The following ATP10B variants were observed in gnomAD, a reference collection of about 807,000 sequenced individuals.
The protein encoded by ATP10B is ATPase phospholipid transporting 10B (putative), also known as phospholipid-transporting ATPase VB.
In ATP10B, 122 loss-of-function variants were observed where a neutral mutation model predicts 141.2. That is an observed-to-expected ratio of 0.86 (90% confidence interval 0.75 to 1.00). The LOEUF (loss-of-function observed/expected upper bound fraction) is 1.00, where lower values mean the gene tolerates loss of function less well. Ranked by LOEUF, ATP10B falls within the 50% of genes least tolerant of loss-of-function variation. The pLI, the probability that ATP10B is intolerant of heterozygous loss-of-function variation, is 0.00. For missense variants in ATP10B, 1,876 were observed against 1,825.3 expected, an observed-to-expected ratio of 1.03 and a Z score of -0.51; for synonymous variants, 685 against 692.0, an observed-to-expected ratio of 0.99 and a Z score of 0.16.
At chr5:160,813,394 G>A (rs1476730368) in intron 1 of ATP10B, among the ~76,000 whole-genome samples, 1 of 152,214 alleles carries the variant, frequency 6.6e-6, no homozygotes, top group African/African-American at 2.4e-5. Context: ...TGCTAGCACA[G>A]CAGTCTAAGA....
chr5:160,751,671 T>A (rs956993373), intron 2 of ATP10B, among the ~76,000 whole-genome samples: 1 of 152,114 alleles, frequency 6.6e-6, no homozygotes, highest in African/African-American at 2.4e-5. Context: ...CTGATGTGTG[T>A]CACTGGGGCC....
chr5:160,587,530 T>C (rs1340563923), intron 24 of ATP10B, among the ~76,000 whole-genome samples: 3 of 152,246 alleles, frequency 2.0e-5, no homozygotes, highest in Non-Finnish European at 4.4e-5. Flanking sequence ...AGTATGGCCA[T>C]TTTCACAATA....
chr5:160,646,798 A>G (rs574848529), intron 8 of ATP10B, among the ~76,000 whole-genome samples: 3 of 152,306 alleles, frequency 2.0e-5, no homozygotes, highest in Admixed American at 2.0e-4. Flanking sequence ...AGGATTTGCT[A>G]TCTTATAGCT....
the ATP10B span, among the ~76,000 whole-genome samples, chr5:160,865,243 A>G: frequency 1.4e-4 from 21 of 152,194 alleles, no homozygotes; most frequent in Admixed American, 3.3e-4. Context: ...CCAATGGAAG[A>G]GAATAGAGAA....
At chr5:160,680,898 T>C (rs542435418) in intron 6 of ATP10B, among the ~76,000 whole-genome samples, 1 of 152,200 alleles carries the variant, frequency 6.6e-6, no homozygotes, top group Non-Finnish European at 1.5e-5. Context: ...CTACCAGAAG[T>C]GTCTTTCTTT....
At chr5:160,871,151 G>C in the ATP10B span, among the ~76,000 whole-genome samples, 9 of 152,044 alleles carry the variant, frequency 5.9e-5, no homozygotes, top group Non-Finnish European at 8.8e-5. Context: ...ATAAGTAAAA[G>C]TGAAACTAAA....
the ATP10B span, among the ~76,000 whole-genome samples, chr5:160,906,837 G>A: frequency 1.3e-5 from 2 of 152,198 alleles, no homozygotes; most frequent in Non-Finnish European, 2.9e-5. Context: ...GTGGCAGAGA[G>A]GAAAGACAGA....
rs1370881650 is a variant in ATP10B at position 160,564,048 on chromosome 5, A to C, written c.*1405T>G. On this transcript the variant is annotated 3_prime_UTR_variant, in exon 26 of 26. Transcript: ENST00000327245. ...CCTGTGTCATTTGCCAACTTGATTG[A>C]ATGTTTTCTGGCATCTTTGCTGAGG... The C allele has an allele frequency of 1.3e-5, 2 of 152,220 alleles. No individual in the cohort carries two copies. Among genetic ancestry groups the C allele is most frequent in the Non-Finnish European group, 2.9e-5 (2 of 68,054 alleles). The allele number at this position is 152,220 out of a possible 1,614,324, so 9.4% of individuals were successfully genotyped here. A position where few individuals can be genotyped will look rare whatever the true frequency, so the allele number is the denominator to read the frequency against.
At chr5:160,840,827 G>A (rs897677339) in intron 1 of ATP10B, among the ~76,000 whole-genome samples, 3 of 152,018 alleles carry the variant, frequency 2.0e-5, no homozygotes, top group African/African-American at 7.2e-5. Context: ...ATATAAGCAT[G>A]GGCCTTGAAC....
chr5:160,715,281 G>C (rs2127774787), intron 3 of ATP10B, among the ~76,000 whole-genome samples: 1 of 128,458 alleles, frequency 7.8e-6, no homozygotes, highest in African/African-American at 2.9e-5. Flanking sequence ...CGTGGGCGTA[G>C]AACCCTCTGA....
At chr5:160,920,604 C>T in the ATP10B span, among the ~76,000 whole-genome samples, 1 of 152,212 alleles carries the variant, frequency 6.6e-6, no homozygotes, top group Non-Finnish European at 1.5e-5. Flanking sequence ...TTCCCAGATA[C>T]GTAAGTCAGT....
the ATP10B span, among the ~76,000 whole-genome samples, chr5:160,879,674 C>CA: frequency 6.6e-6 from 1 of 151,814 alleles, no homozygotes; most frequent in African/African-American, 2.4e-5. Context: ...CTGTCTTTAC[C>CA]AAAAATACAA....
intron 2 of ATP10B, among the ~76,000 whole-genome samples, chr5:160,740,463 G>T (rs74687085): frequency 0.013 from 2,001 of 152,226 alleles, 38 homozygotes; most frequent in African/African-American, 0.045. Flanking sequence ...CAAATGTGGG[G>T]TTAGCTTGCT....
At chr5:160,791,834 G>A (rs1427119380) in intron 1 of ATP10B, among the ~76,000 whole-genome samples, 1 of 152,134 alleles carries the variant, frequency 6.6e-6, no homozygotes, top group Non-Finnish European at 1.5e-5. Context: ...AAGGAAATAA[G>A]AGAATGGACT....
chr5:160,675,521 G>A (rs191700192), intron 6 of ATP10B, among the ~76,000 whole-genome samples: 78 of 152,302 alleles, frequency 5.1e-4, no homozygotes, highest in Admixed American at 1.2e-3. Flanking sequence ...CAAGCATCTG[G>A]ATTTTATTAA....
the ATP10B span, among the ~76,000 whole-genome samples, chr5:160,903,007 G>A: frequency 2.0e-5 from 3 of 152,168 alleles, no homozygotes; most frequent in Admixed American, 1.3e-4. Flanking sequence ...GGATTTAGAA[G>A]AGAAATGTCA....
intron 13 of ATP10B, among the ~76,000 whole-genome samples, chr5:160,628,322 A>AG (rs1758717336): frequency 6.6e-6 from 1 of 152,238 alleles, no homozygotes; most frequent in South Asian, 2.1e-4. Flanking sequence ...CTGGGGAACA[A>AG]GGGGAGTACA....
At chr5:160,609,624 G>A (rs557520782) in intron 18 of ATP10B, among the ~76,000 whole-genome samples, 2 of 152,204 alleles carry the variant, frequency 1.3e-5, no homozygotes, top group South Asian at 2.1e-4. Flanking sequence ...AGTGATCCAC[G>A]TGCCTTGGCC....
At chr5:160,612,987 C>T (rs921022059) in intron 17 of ATP10B, 62 bp from the exon 18 acceptor site, 1 of 1,500,630 alleles carries the variant, frequency 6.7e-7, no homozygotes, top group Non-Finnish European at 9.0e-7. Flanking sequence ...CTTAATTCCC[C>T]CAAAGCCATG....
Sources: allele counts gnomAD v4.1 joint callset (sites outside exome capture counted in the v4.1 genomes callset), GRCh38; gene constraint gnomAD v4.1.1; transcripts MANE v1.5; gene names NCBI Gene and HGNC (gene_info 2026-07-23, HGNC 2026-07-21).